The following CCDC167 variants were observed in gnomAD, a reference collection of about 807,000 sequenced individuals.
The protein encoded by CCDC167 is coiled-coil domain-containing protein 167.
Under a neutral mutation model 12.7 loss-of-function variants are expected in CCDC167, and 15 were observed. The observed-to-expected ratio is 1.18, with a 90% CI of 0.79 to 1.81. The LOEUF is 1.81. Among genes scored for constraint, CCDC167 ranks in the 40% most tolerant of loss-of-function variants. The pLI is 0.00. For missense variants in CCDC167, 121 were observed against 120.1 expected (o/e 1.01, Z -0.03); for synonymous variants, 52 against 49.0 (o/e 1.06, Z -0.26).
chr6:37,492,327 G>T lies in CCDC167; in HGVS notation c.43-7133C>A, dbSNP rs192740822. ...TAAGCTTGCTGATCTGGCTTCAACA[G>T]ATTCTCTACTCGGAATAATCTTGTA... is the stretch of plus-strand genomic sequence containing the variant. On this transcript the variant is annotated intron_variant, in intron 1 of 3. Coordinates refer to ENST00000373408, the MANE Select transcript of CCDC167 (RefSeq NM_138493.3). 9.7e-4 allele frequency among the ~76,000 whole-genome samples: 148 copies of T among 152,080 alleles called. 4 individuals are homozygous for T. The East Asian group carries it at 0.026, about 26-fold the overall frequency.
intron 3 of CCDC167, 129 bp from the exon 4 acceptor site, chr6:37,483,418 T>C: frequency 1.5e-6 from 1 of 646,718 alleles, no homozygotes; most frequent in Non-Finnish European, 2.8e-6. Context: ...TCCTTACCCA[T>C]AAAAATGACT....
chr6:37,486,748 G>A (rs538143542), intron 1 of CCDC167, among the ~76,000 whole-genome samples: 1 of 152,338 alleles, frequency 6.6e-6, no homozygotes, highest in East Asian at 1.9e-4. Context: ...GCTGTCCCTG[G>A]GGAGGCCAAA....
Position 37,484,824 on chromosome 6 carries a change from T to C in CCDC167, c.176A>G (p.Lys59Arg), listed in dbSNP as rs376788456. The C allele has an allele frequency of 1.1e-5, 17 of 1,614,100 alleles. No homozygotes were observed. In the African/African-American group the frequency reaches 1.3e-4, roughly 13 times the overall value. Residue 59 changes from lysine to arginine, a missense_variant, in exon 3 of 4, where the codon AAA (lysine) becomes AGA (arginine). Coordinates refer to ENST00000373408, the MANE Select transcript of CCDC167 (RefSeq NM_138493.3). ...LEKEKNSLMN[K>R]ASNYEKELKF... is the part of the protein sequence containing the mutation. Reference sequence around the variant, plus strand: ...AACTTTCTTACCGTAGTTGGAGGCTTTGTTCATTAGGCTGTTTTTCTCCTT... The same window carrying C: ...AACTTTCTTACCGTAGTTGGAGGCTCTGTTCATTAGGCTGTTTTTCTCCTT...
chr6:37,491,265 C>T (rs971827803), intron 1 of CCDC167, among the ~76,000 whole-genome samples: 1 of 152,194 alleles, frequency 6.6e-6, no homozygotes, highest in South Asian at 2.1e-4. Flanking sequence ...CACAGGCTAC[C>T]GTTCACTCTA....
intron 1 of CCDC167, among the ~76,000 whole-genome samples, chr6:37,496,671 C>T (rs1762102363): frequency 1.3e-5 from 2 of 152,194 alleles, no homozygotes; most frequent in African/African-American, 2.4e-5. Context: ...CGGTGCCAGG[C>T]ACGTGCTGGG....
intron 1 of CCDC167, 41 bp from the exon 2 acceptor site, chr6:37,485,235 T>C: frequency 6.7e-7 from 1 of 1,486,652 alleles, no homozygotes; most frequent in Non-Finnish European, 9.4e-7. Context: ...CCGAGGCTTC[T>C]AGCTCTCAAA....
At chr6:37,487,670 T>C (rs1032811379) in intron 1 of CCDC167, among the ~76,000 whole-genome samples, 1 of 152,200 alleles carries the variant, frequency 6.6e-6, no homozygotes, top group African/African-American at 2.4e-5. Flanking sequence ...AAGTGGTAAT[T>C]GCCCCCAGAG....
intron 3 of CCDC167, among the ~76,000 whole-genome samples, chr6:37,483,721 A>G (rs1433809448): frequency 1.3e-5 from 2 of 152,182 alleles, no homozygotes; most frequent in Non-Finnish European, 2.9e-5. Flanking sequence ...TGGGCCTGAC[A>G]GTGGAGGAGG....
chr6:37,498,578 T>C (rs1346139160), intron 1 of CCDC167, among the ~76,000 whole-genome samples: 1 of 151,372 alleles, frequency 6.6e-6, no homozygotes, highest in Non-Finnish European at 1.5e-5. Flanking sequence ...TCCCAGCACT[T>C]TGGGAGGCTA....
chr6:37,488,870 G>A (rs1464925932), intron 1 of CCDC167, among the ~76,000 whole-genome samples: 1 of 152,232 alleles, frequency 6.6e-6, no homozygotes, highest in Non-Finnish European at 1.5e-5. Context: ...TTATCAGAGA[G>A]TGGTTTGCAC....
At chr6:37,483,501 C>T (rs1561796839) in intron 3 of CCDC167, among the ~76,000 whole-genome samples, 1 of 152,236 alleles carries the variant, frequency 6.6e-6, no homozygotes, top group Non-Finnish European at 1.5e-5. Flanking sequence ...TCCCAACGCC[C>T]AGTGCTGCTC....
chr6:37,493,155 T>A (rs1358569201), intron 1 of CCDC167, among the ~76,000 whole-genome samples: 1 of 152,156 alleles, frequency 6.6e-6, no homozygotes, highest in Non-Finnish European at 1.5e-5. Flanking sequence ...CCATGCCAGG[T>A]CAGAAAGGCG....
At chr6:37,491,169 G>T (rs928774595) in intron 1 of CCDC167, among the ~76,000 whole-genome samples, 4 of 152,210 alleles carry the variant, frequency 2.6e-5, no homozygotes, top group Non-Finnish European at 5.9e-5. Context: ...GGCCAGGTCA[G>T]CTGATGGGGT....
chr6:37,499,868 C>G lies in CCDC167; in HGVS notation c.-5G>C. 6.2e-7 allele frequency: 1 copy of G among 1,614,172 alleles called. No individual in the cohort carries two copies. Among genetic ancestry groups the G allele is most frequent in the Non-Finnish European group, 8.5e-7 (1 of 1,180,018 alleles). ...CTCCCGCTTCTTTTTAGTCATGTTA[C>G]TTGCCGGGATCCCCCAGTCATCACT... On this transcript the variant is annotated 5_prime_UTR_variant, in exon 1 of 4. Transcript: ENST00000373408.
Position 37,485,176 on chromosome 6 carries a change from TCTC to T in CCDC167, c.58_60del (p.Glu20del), listed in dbSNP as rs770282510. 15 of 1,613,210 alleles carry T rather than the reference TCTC, an allele frequency of 9.3e-6. No individual in the cohort carries two copies. Among genetic ancestry groups the T allele is most frequent in the Middle Eastern group, 1.6e-4 (1 of 6,082 alleles). On this transcript the variant is annotated inframe_deletion, in exon 2 of 4. Transcript: ENST00000373408. ...AGGTCTCTCCGACACTGGGACAGCTTCTCCTCTAGCCCATCGATCTGAAACAAA... is the reference window on the plus strand; with the variant it reads ...AGGTCTCTCCGACACTGGGACAGCTTCTCTAGCCCATCGATCTGAAACAAA...
intron 1 of CCDC167, among the ~76,000 whole-genome samples, chr6:37,499,256 T>C (rs1762135820): frequency 6.6e-6 from 1 of 152,234 alleles, no homozygotes; most frequent in Non-Finnish European, 1.5e-5. Flanking sequence ...TGCAGCAAAT[T>C]ATTTTTAAGC....
chr6:37,483,007 C>T lies in CCDC167; in HGVS notation c.*179G>A. 2 of 680,104 alleles carry T rather than the reference C, an allele frequency of 2.9e-6. No homozygotes were observed. Among genetic ancestry groups the T allele is most frequent in the Non-Finnish European group, 5.5e-6 (2 of 362,938 alleles). 42.1% of individuals were successfully genotyped at this position (680,104 alleles called of 1,614,324 possible). ...GACCAGCACCATGTCCTTCTGGAGA[C>T]CCGGAACCCCCCAGCAGGCCAGGGA... On this transcript the variant is annotated 3_prime_UTR_variant, in exon 4 of 4. Coordinates refer to ENST00000373408, the MANE Select transcript of CCDC167 (RefSeq NM_138493.3).
intron 1 of CCDC167, among the ~76,000 whole-genome samples, chr6:37,485,629 A>C (rs947519277): frequency 1.3e-5 from 2 of 152,252 alleles, no homozygotes; most frequent in Admixed American, 6.5e-5. Flanking sequence ...AGATGCTGTG[A>C]AGAAACTGGC....
chr6:37,489,526 T>C (rs1761988439), intron 1 of CCDC167, among the ~76,000 whole-genome samples: 1 of 152,162 alleles, frequency 6.6e-6, no homozygotes, highest in South Asian at 2.1e-4. Context: ...GTTGCAGACA[T>C]GGCACCTGGT....
Sources: allele counts gnomAD v4.1 joint callset (sites outside exome capture counted in the v4.1 genomes callset), GRCh38; gene constraint gnomAD v4.1.1; transcripts MANE v1.5; gene names NCBI Gene and HGNC (gene_info 2026-07-23, HGNC 2026-07-21).